Variants in CTNNA3 observed in about 807,000 individuals in gnomAD.
CTNNA3 encodes catenin alpha 3, also known as catenin alpha-3.
In CTNNA3, 76 loss-of-function variants were observed where a neutral mutation model predicts 95.7. That is an observed-to-expected ratio of 0.79 (90% confidence interval 0.66 to 0.96). The LOEUF (loss-of-function observed/expected upper bound fraction) is 0.96, where lower values mean the gene tolerates loss of function less well. Among genes scored for constraint, CTNNA3 ranks in the 40% least tolerant of loss-of-function variants. CTNNA3 has a pLI of 0.00. For missense variants in CTNNA3, 1,191 were observed against 1,089.8 expected (o/e 1.09, Z -1.31); for synonymous variants, 431 against 374.4 (o/e 1.15, Z -1.74).
rs1844757062 is a variant in CTNNA3, at chr10:66,621,710, CA to C, written c.1355del (p.Leu452TrpfsTer46). Reference sequence around the variant, plus strand: ...GTCATACCTGTGGACACAAGGTTTCCAAATGATTGGCTGCAATTTTGACAAT... The same window carrying C: ...GTCATACCTGTGGACACAAGGTTTCCAATGATTGGCTGCAATTTTGACAAT... Reference protein sequence around the residue: ...IKIVKIAANHLETLCPQIINA... With the variant: ...IKIVKIAANHXETLCPQIINA... On this transcript the variant is annotated frameshift_variant, in exon 10 of 18. Coordinates refer to ENST00000433211, the MANE Select transcript of CTNNA3 (RefSeq NM_013266.4). LOFTEE classifies it high-confidence loss of function. 3 of 1,609,056 alleles carry C rather than the reference CA, an allele frequency of 1.9e-6. No homozygotes were observed. Among genetic ancestry groups the C allele is most frequent in the Non-Finnish European group, 2.5e-6 (3 of 1,177,172 alleles).
chr10:67,479,928 T>C (rs1373716415), intron 5 of CTNNA3, among the ~76,000 whole-genome samples: 1 of 151,834 alleles, frequency 6.6e-6, no homozygotes, highest in Non-Finnish European at 1.5e-5. Flanking sequence ...CCCACAGAAA[T>C]ACAAAAGATC....
intron 15 of CTNNA3, among the ~76,000 whole-genome samples, chr10:66,020,461 A>G (rs2079180117): frequency 6.6e-6 from 1 of 152,220 alleles, no homozygotes; most frequent in South Asian, 2.1e-4. Context: ...TGTTTAGGGC[A>G]CCTGTATTCT....
intron 1 of CTNNA3, among the ~76,000 whole-genome samples, chr10:67,702,274 A>G (rs1841045731): frequency 1.3e-5 from 2 of 152,112 alleles, no homozygotes; most frequent in Non-Finnish European, 2.9e-5. Context: ...CACCAAGCGG[A>G]CCTAATAGAC....
intron 12 of CTNNA3, among the ~76,000 whole-genome samples, chr10:66,287,562 C>T (rs2091610745): frequency 6.6e-6 from 1 of 151,890 alleles, no homozygotes. Context: ...CATTGCAGGA[C>T]ACTTAGGATA....
At chr10:66,748,272 G>A (rs761862889) in intron 9 of CTNNA3, among the ~76,000 whole-genome samples, 8 of 152,118 alleles carry the variant, frequency 5.3e-5, no homozygotes, top group African/African-American at 1.2e-4. Context: ...AAGCAATTCC[G>A]CAGACATTTT....
chr10:66,127,705 A>T (rs1317739166), intron 13 of CTNNA3, among the ~76,000 whole-genome samples: 1 of 152,224 alleles, frequency 6.6e-6, no homozygotes, highest in Admixed American at 6.5e-5. Flanking sequence ...GCACTTATTA[A>T]TTTTTAACAA....
intron 5 of CTNNA3, among the ~76,000 whole-genome samples, chr10:67,351,491 CTGAG>C (rs1243378526): frequency 7.9e-5 from 12 of 151,854 alleles, no homozygotes; most frequent in African/African-American, 2.9e-4. Context: ...GATAATGTAA[CTGAG>C]TATTTAAACA....
At chr10:66,743,933 G>A (rs987566712) in intron 9 of CTNNA3, among the ~76,000 whole-genome samples, 1 of 123,996 alleles carries the variant, frequency 8.1e-6, no homozygotes, top group Non-Finnish European at 1.6e-5. Flanking sequence ...CTGAGATAGT[G>A]CCACTGCACT....
intron 11 of CTNNA3, among the ~76,000 whole-genome samples, chr10:66,474,922 T>C (rs1352040759): frequency 6.6e-6 from 1 of 152,048 alleles, no homozygotes; most frequent in Non-Finnish European, 1.5e-5. Context: ...TGCTTTGTTT[T>C]TTGCTATTGA....
At chr10:66,141,289 AAG>A (rs1320099123) in intron 13 of CTNNA3, among the ~76,000 whole-genome samples, 1 of 151,872 alleles carries the variant, frequency 6.6e-6, no homozygotes, top group East Asian at 1.9e-4. Context: ...GAAAGAAAGA[AAG>A]AAAAATTTCT....
intron 12 of CTNNA3, among the ~76,000 whole-genome samples, chr10:66,368,887 C>T (rs1948944): frequency 0.91 from 137,763 of 152,146 alleles, 62,604 homozygotes; most frequent in East Asian, 1. Flanking sequence ...TAAATCACTA[C>T]AACCTACAAT....
intron 1 of CTNNA3, among the ~76,000 whole-genome samples, chr10:67,732,804 G>A (rs1323631227): frequency 2.0e-5 from 3 of 152,028 alleles, no homozygotes; most frequent in Non-Finnish European, 4.4e-5. Context: ...TCAACACAGT[G>A]TAATATAACC....
At chr10:67,616,306 A>C (rs1428353371) in intron 2 of CTNNA3, among the ~76,000 whole-genome samples, 1 of 152,182 alleles carries the variant, frequency 6.6e-6, no homozygotes, top group African/African-American at 2.4e-5. Context: ...TTGAAACAGG[A>C]AAGTAACATG....
intron 7 of CTNNA3, among the ~76,000 whole-genome samples, chr10:67,041,481 ATTCCTAAAGC>A (rs1391272010): frequency 6.6e-6 from 1 of 152,168 alleles, no homozygotes; most frequent in Non-Finnish European, 1.5e-5. Context: ...CAATTCTTAT[ATTCCTAAAGC>A]TTTCTTCCAG....
intron 5 of CTNNA3, among the ~76,000 whole-genome samples, chr10:67,355,514 G>A (rs966511760): frequency 6.6e-6 from 1 of 151,886 alleles, no homozygotes; most frequent in South Asian, 2.1e-4. Flanking sequence ...GATAATAATT[G>A]GTGGCTATAC....
chr10:67,149,885 C>T (rs1024316442), intron 7 of CTNNA3, among the ~76,000 whole-genome samples: 1 of 152,152 alleles, frequency 6.6e-6, no homozygotes, highest in Non-Finnish European at 1.5e-5. Flanking sequence ...TAATGTTTTT[C>T]GAGTTTGAGA....
At chr10:67,141,482 A>G (rs1401457248) in intron 7 of CTNNA3, among the ~76,000 whole-genome samples, 3 of 152,186 alleles carry the variant, frequency 2.0e-5, no homozygotes, top group Admixed American at 6.5e-5. Flanking sequence ...GTGGTCATGT[A>G]CGGTAATACC....
intron 1 of CTNNA3, among the ~76,000 whole-genome samples, chr10:67,753,286 T>C (rs1841416974): frequency 6.6e-6 from 1 of 152,118 alleles, no homozygotes; most frequent in Non-Finnish European, 1.5e-5. Flanking sequence ...AAATTGAAAC[T>C]GGGCCCTTTC....
At chr10:67,230,980 G>A (rs1417171584) in intron 5 of CTNNA3, among the ~76,000 whole-genome samples, 2 of 152,204 alleles carry the variant, frequency 1.3e-5, no homozygotes, top group East Asian at 1.9e-4. Context: ...CTTAAAAAAC[G>A]GCGCACCAGG....
Sources: allele counts gnomAD v4.1 joint callset (sites outside exome capture counted in the v4.1 genomes callset), GRCh38; gene constraint gnomAD v4.1.1; transcripts MANE v1.5; gene names NCBI Gene and HGNC (gene_info 2026-07-23, HGNC 2026-07-21).